IGSF9B: variants seen among roughly 807,000 people sequenced by gnomAD.
The protein encoded by IGSF9B is protein turtle homolog B.
Under a neutral mutation model 143.7 loss-of-function variants are expected in IGSF9B, and 48 were observed. The observed-to-expected ratio is 0.33, with a 90% confidence interval of 0.26 to 0.42. IGSF9B has a LOEUF of 0.42. IGSF9B is among the 20% of genes least tolerant of loss of function. The probability of loss-of-function intolerance (pLI) is 1.00; values close to 1 mark genes in which losing one functional copy is unlikely to be tolerated. For synonymous variants in IGSF9B, 903 were observed against 833.1 expected (o/e 1.08, Z -1.44); for missense variants, 1,706 against 1,980.0 (o/e 0.86, Z 2.63).
At chr11:133,933,144 C>T (rs972819529) in intron 7 of IGSF9B, among the ~76,000 whole-genome samples, 2 of 152,144 alleles carry the variant, frequency 1.3e-5, no homozygotes, top group East Asian at 3.9e-4. Flanking sequence ...CACGTCCGAG[C>T]CTGCTCCAAT....
Position 133,924,890 on chromosome 11 carries a change from C to T in IGSF9B, c.2049G>A (p.Glu683=), listed in dbSNP as rs766064950. ...AKDLSQDTWY[E]FRVLAVMQDL... is the part of the protein sequence containing the mutation. ...CCTGCATGACGGCCAGAACCCGGAA[C>T]TCATACCACGTGTCCTGCAGCCCCA... is the stretch of plus-strand genomic sequence containing the variant. The change falls in exon 15 of 20, where the codon GAG becomes GAA. Residue 683 remains glutamate, a synonymous_variant. Transcript: ENST00000533871. 14 of 1,613,578 alleles carry T rather than the reference C, an allele frequency of 8.7e-6. No homozygotes were observed. The highest frequency in any genetic ancestry group is 1.6e-4 in the Middle Eastern group (1 of 6,082).
intron 1 of IGSF9B, among the ~76,000 whole-genome samples, chr11:133,949,764 G>A (rs1940125501): frequency 6.6e-6 from 1 of 152,004 alleles, no homozygotes; most frequent in Non-Finnish European, 1.5e-5. Flanking sequence ...GAGGAAGAGA[G>A]GAAGGGGAGG....
At chr11:133,919,128 G>GT in intron 18 of IGSF9B, 28 of 335,520 alleles carry the variant, frequency 8.3e-5, no homozygotes, top group Admixed American at 2.8e-4. Context: ...CGGGGGGGGG[G>GT]TGGGGGACGT....
rs1468110951 is a variant in IGSF9B at position 133,929,779 on chromosome 11, G to A, written c.1523C>T (p.Thr508Ile). Residue 508 changes from threonine (T) to isoleucine (I), a missense_variant, in exon 12 of 20, where the codon ACC becomes ATC. By Grantham distance (89) the Thr-to-Ile change is moderately conservative. Transcript: ENST00000533871. ...TASTHLTVIG[T>I]SPHAPGSVRV... Reference sequence around the variant, plus strand: ...GACACTGCCCGGGGCATGGGGGCTGGTGCCTGGAGATCAAGTGGAGACCTC... The same window carrying A: ...GACACTGCCCGGGGCATGGGGGCTGATGCCTGGAGATCAAGTGGAGACCTC... 2 of 1,609,960 alleles carry A rather than the reference G, an allele frequency of 1.2e-6. No homozygotes were observed. Among genetic ancestry groups the A allele is most frequent in the Admixed American group, 1.7e-5 (1 of 60,006 alleles).
rs748790434 is a variant in IGSF9B at position 133,902,042 on chromosome 11, CCA to C, written c.*7025_*7026del. ...ACACACACCATACCACACACCACAC[CCA>C]CACACAATACACACATACCACACAC... On this transcript the variant is annotated 3_prime_UTR_variant, in exon 20 of 20. Transcript: ENST00000533871. 1.5e-5 allele frequency among the ~76,000 whole-genome samples: 2 copies of C among 137,364 alleles called. No homozygotes were observed. The highest frequency in any genetic ancestry group is 3.0e-5 in the African/African-American group (1 of 33,572). The allele number at this position is 137,364 out of a possible 152,430, so 90.1% of individuals were successfully genotyped here. A position where few individuals can be genotyped will look rare whatever the true frequency, so the allele number is the denominator to read the frequency against.
chr11:133,926,091 G>T, intron 13 of IGSF9B, 126 bp from the exon 14 acceptor site: 1 of 673,526 alleles, frequency 1.5e-6, no homozygotes, highest in Admixed American at 2.6e-5. Flanking sequence ...GGGGCCCAGG[G>T]CTTCAGGGTT....
intron 11 of IGSF9B, 149 bp downstream of exon 11, chr11:133,930,835 G>A (rs1451976732): frequency 3.9e-6 from 3 of 765,946 alleles, no homozygotes; most frequent in African/African-American, 1.8e-5. Flanking sequence ...GGCTGCCGGT[G>A]CTGGACGCGG....
chr11:133,922,484 G>A, intron 16 of IGSF9B, 85 bp downstream of exon 16: 1 of 1,315,080 alleles, frequency 7.6e-7, no homozygotes, highest in Non-Finnish European at 1.1e-6. Context: ...TCCAAGGGGG[G>A]CCATGCTAAA....
In IGSF9B at chr11:133,906,855, C is replaced by T. The variant is rs1188076568; in HGVS notation, c.*2214G>A. The stretch of plus-strand genomic sequence containing the variant: ...ACACTGCCAGTGCATAAAGGCTGCA[C>T]GTCAGCTTGCGGTAAGCCCCCACCT... On this transcript the variant is annotated 3_prime_UTR_variant, in exon 20 of 20. Coordinates refer to ENST00000533871, the MANE Select transcript of IGSF9B (RefSeq NM_001277285.4). 6.6e-6 allele frequency among the ~76,000 whole-genome samples: 1 copy of T among 152,160 alleles called. No individual in the cohort carries two copies. The highest frequency in any genetic ancestry group is 1.5e-5 in the Non-Finnish European group (1 of 68,018).
chr11:133,948,089 G>GTGTT lies in IGSF9B; in HGVS notation c.65-1832_65-1831insAACA, dbSNP rs1940091465. Among the ~76,000 whole-genome samples the GTGTT allele has an allele frequency of 6.8e-6, 1 of 147,590 alleles. No individual in the cohort carries two copies. Among genetic ancestry groups the GTGTT allele is most frequent in the African/African-American group, 2.5e-5 (1 of 39,276 alleles). On this transcript the variant is annotated intron_variant, in intron 1 of 19. Coordinates refer to ENST00000533871, the MANE Select transcript of IGSF9B (RefSeq NM_001277285.4). This position sits in a 1 kb window ranked among gnomAD's most constrained non-coding sequence, Gnocchi z 4.7. Reference sequence around the variant, plus strand: ...TGTGTGTGTGTGTGTGTGTGTGTGTGTCTGTGTGTGTTTCGGTTGGCTCAT... The same window carrying GTGTT: ...TGTGTGTGTGTGTGTGTGTGTGTGTGTGTTTCTGTGTGTGTTTCGGTTGGCTCAT...
chr11:133,931,778 C>T lies in IGSF9B; in HGVS notation c.1128G>A (p.Leu376=). 1 of 1,612,272 alleles carries T rather than the reference C, an allele frequency of 6.2e-7. No individual in the cohort carries two copies. The highest frequency in any genetic ancestry group is 8.5e-7 in the Non-Finnish European group (1 of 1,179,428). The change falls in exon 9 of 20, where the codon CTG becomes CTA. Residue 376 remains leucine, a synonymous_variant. Coordinates refer to ENST00000533871, the MANE Select transcript of IGSF9B (RefSeq NM_001277285.4). This position sits in a 1 kb window ranked among gnomAD's most constrained non-coding sequence, Gnocchi z 7.7. ...LQVEKNLGWT[L]MEDGSIRIEE... ...CAATTCGAATGGAGCCATCCTCCAT[C>T]AGGGTCCAACCGAGGTTCTGCCAGA...
rs145882794 is a variant in IGSF9B, at chr11:133,907,245, A to C, written c.*1824T>G. Among the ~76,000 whole-genome samples the C allele has an allele frequency of 1.1e-3, 167 of 152,326 alleles. No individual in the cohort carries two copies. Among genetic ancestry groups the C allele is most frequent in the African/African-American group, 3.9e-3 (163 of 41,572 alleles). The stretch of plus-strand genomic sequence containing the variant: ...GTCCTCAGCTCCCTGGGTGAAAGGA[A>C]GGACCAGGGCCGGTGTGGCACAGAA... On this transcript the variant is annotated 3_prime_UTR_variant, in exon 20 of 20. Transcript: ENST00000533871.
chr11:133,925,749 T>C lies in IGSF9B; in HGVS notation c.2024A>G (p.Asp675Gly), dbSNP rs1383062099. The C allele has an allele frequency of 1.2e-6, 2 of 1,613,166 alleles. No homozygotes were observed. Among genetic ancestry groups the C allele is most frequent in the Non-Finnish European group, 1.7e-6 (2 of 1,179,584 alleles). The change falls in exon 14 of 20, where the codon GAT becomes GGT. Residue 675 changes from aspartate (D) to glycine (G), a missense_variant. Transcript: ENST00000533871. ...GAGCAAAGCCCTCACCTGTGACAGA[T>C]CCTTGGCAAAGAACTCTCCTTCGGT... Reference protein sequence around the residue: ...PGTEGEFFAKDLSQDTWYEFR... With the variant: ...PGTEGEFFAKGLSQDTWYEFR...
chr11:133,952,464 TGCAGCACGGAGAGGAGTG>T (rs1940178072), intron 1 of IGSF9B, among the ~76,000 whole-genome samples: 1 of 152,194 alleles, frequency 6.6e-6, no homozygotes. Flanking sequence ...CTCTCAGGGC[TGCAGCACGGAGAGGAGTG>T]GCCCCCACCT....
intron 15 of IGSF9B, among the ~76,000 whole-genome samples, chr11:133,924,564 T>G (rs1277250928): frequency 3.3e-5 from 5 of 152,170 alleles, no homozygotes; most frequent in Non-Finnish European, 7.3e-5. Flanking sequence ...ATGAGAAGAT[T>G]AGTTGAATTT....
Position 133,903,332 on chromosome 11 carries a change from C to T in IGSF9B, c.*5737G>A, listed in dbSNP as rs1296168515. Among the ~76,000 whole-genome samples the T allele has an allele frequency of 6.6e-6, 1 of 152,118 alleles. No individual in the cohort carries two copies. Among genetic ancestry groups the T allele is most frequent in the Non-Finnish European group, 1.5e-5 (1 of 68,030 alleles). On this transcript the variant is annotated 3_prime_UTR_variant, in exon 20 of 20. Coordinates refer to ENST00000533871, the MANE Select transcript of IGSF9B (RefSeq NM_001277285.4). ...CCAAGGACCAGTGACAGGAGCTGAG[C>T]ATTTGAGCCACGGGGTTAAAACTGT...
rs983895558 is a variant in IGSF9B at position 133,909,019 on chromosome 11, C to G, written c.*50G>C. The G allele has an allele frequency of 1.3e-4, 197 of 1,484,052 alleles. No individual in the cohort carries two copies. The highest frequency in any genetic ancestry group is 1.7e-4 in the Non-Finnish European group (184 of 1,102,680). The allele number at this position is 1,484,052 out of a possible 1,614,324, so 91.9% of individuals were successfully genotyped here. ...ACACACCCCCACACAGTGGCCCTCC[C>G]TGCCTGAGCCCAGCAACCTCGCCCC... is the stretch of plus-strand genomic sequence containing the variant. On this transcript the variant is annotated 3_prime_UTR_variant, in exon 20 of 20. Coordinates refer to ENST00000533871, the MANE Select transcript of IGSF9B (RefSeq NM_001277285.4). This position sits in a 1 kb window ranked among gnomAD's most constrained non-coding sequence, Gnocchi z 4.2.
chr11:133,937,643 C>T, intron 4 of IGSF9B, 150 bp from the exon 5 acceptor site: 2 of 1,057,794 alleles, frequency 1.9e-6, no homozygotes, highest in Non-Finnish European at 2.7e-6. Context: ...TGCCCCCTTG[C>T]CCATCTCCCG....
intron 18 of IGSF9B, among the ~76,000 whole-genome samples, chr11:133,912,628 G>A (rs994577448): frequency 1.3e-5 from 2 of 152,134 alleles, no homozygotes; most frequent in African/African-American, 4.8e-5. Flanking sequence ...GTGTCTCCTC[G>A]ACCCTGCAGA....
Sources: allele counts gnomAD v4.1 joint callset (sites outside exome capture counted in the v4.1 genomes callset), GRCh38; gene constraint gnomAD v4.1.1; non-coding constraint Gnocchi (gnomAD v3.1); transcripts MANE v1.5; gene names NCBI Gene and HGNC (gene_info 2026-07-23, HGNC 2026-07-21).